Variants in UBR1 observed in about 807,000 individuals in gnomAD.
UBR1 encodes the protein E3 ubiquitin-protein ligase UBR1.
Under a neutral mutation model 242.1 loss-of-function variants are expected in UBR1, and 102 were observed. The ratio of observed to expected loss-of-function variants is 0.42; its 90% CI spans 0.36 to 0.50. UBR1 has a LOEUF of 0.50. Among genes scored for constraint, UBR1 ranks in the 20% least tolerant of loss-of-function variants. The pLI is 0.01. For synonymous variants in UBR1, 675 were observed against 684.8 expected (o/e 0.99, Z 0.22); for missense variants, 1,772 against 2,101.8 (o/e 0.84, Z 3.07).
chr15:43,047,376 A>G, intron 13 of UBR1, 87 bp from the exon 14 acceptor site: 3 of 1,588,588 alleles, frequency 1.9e-6, no homozygotes, highest in South Asian at 1.1e-5. Flanking sequence ...GTCAGGATTC[A>G]TAACATTTTA....
At chr15:43,061,425 C>T (rs116060102) in intron 6 of UBR1, among the ~76,000 whole-genome samples, 1,926 of 152,284 alleles carry the variant, frequency 0.013, 40 homozygotes, top group African/African-American at 0.042. Context: ...TACTTGCACA[C>T]GCATGTTTAT....
At chr15:43,075,411 C>T (rs1005158421) in intron 3 of UBR1, among the ~76,000 whole-genome samples, 4 of 151,784 alleles carry the variant, frequency 2.6e-5, no homozygotes, top group African/African-American at 7.3e-5. Context: ...GCAAAGTGTG[C>T]GAAAATAATC....
chr15:42,985,989 CAAAAAAAA>C (rs1230190123), intron 35 of UBR1, among the ~76,000 whole-genome samples: 1 of 47,068 alleles, frequency 2.1e-5, no homozygotes, highest in Non-Finnish European at 4.4e-5. Context: ...GACCCTGTCT[CAAAAAAAA>C]AAAAAAAAAA....
At chr15:43,004,578 G>C (rs972940008) in intron 30 of UBR1, among the ~76,000 whole-genome samples, 3 of 152,204 alleles carry the variant, frequency 2.0e-5, no homozygotes, top group African/African-American at 7.2e-5. Context: ...ACGGGGTTTC[G>C]CCCTGTTGGC....
intron 27 of UBR1, among the ~76,000 whole-genome samples, chr15:43,018,199 C>T (rs1040798002): frequency 6.6e-6 from 1 of 152,038 alleles, no homozygotes; most frequent in African/African-American, 2.4e-5. Context: ...GACGGGGTTT[C>T]ACCATGTTAG....
At chr15:42,957,294 C>T (rs2031937168) in intron 44 of UBR1, among the ~76,000 whole-genome samples, 1 of 152,112 alleles carries the variant, frequency 6.6e-6, no homozygotes, top group Non-Finnish European at 1.5e-5. Flanking sequence ...TGTATCATTC[C>T]TTTCATATAA....
In UBR1 at chr15:43,105,991, C is replaced by T. The variant is rs1204703176; in HGVS notation, c.32G>A (p.Arg11Lys). ...GGGTAACTCCGCGCTGATTTCCATCCTCTCAGTACCTCCAGCCTCCTCGTC... is the reference window on the plus strand; with the variant it reads ...GGGTAACTCCGCGCTGATTTCCATCTTCTCAGTACCTCCAGCCTCCTCGTC... Reference protein sequence around the residue: MADEEAGGTERMEISAELPQT... With the variant: MADEEAGGTEKMEISAELPQT... Residue 11 changes from arginine to lysine, a missense_variant, in exon 1 of 47, where the codon AGG (arginine) becomes AAG (lysine). Arg to Lys is a conservative substitution (Grantham distance 26, BLOSUM62 2). Transcript: ENST00000290650. 6.2e-7 allele frequency: 1 copy of T among 1,613,844 alleles called. No homozygotes were observed. Among genetic ancestry groups the T allele is most frequent in the Admixed American group, 1.7e-5 (1 of 59,978 alleles).
intron 12 of UBR1, among the ~76,000 whole-genome samples, chr15:43,051,157 G>C (rs995405996): frequency 6.6e-6 from 1 of 152,112 alleles, no homozygotes; most frequent in African/African-American, 2.4e-5. Flanking sequence ...CAATAGCAAA[G>C]GCATGGAATC....
At chr15:43,009,481 T>C (rs540363647) in intron 29 of UBR1, among the ~76,000 whole-genome samples, 3 of 152,316 alleles carry the variant, frequency 2.0e-5, no homozygotes, top group South Asian at 2.1e-4. Flanking sequence ...TCCAGGCTGG[T>C]AGTGTCAGTC....
At chr15:43,105,873 C>T in intron 1 of UBR1, 69 bp downstream of exon 1, 1 of 1,482,252 alleles carries the variant, frequency 6.7e-7, no homozygotes, top group Non-Finnish European at 9.4e-7. Context: ...GGTGAAGCCC[C>T]ACATCCTCCT....
rs949430261 is a variant in UBR1 at position 42,956,467 on chromosome 15, GCACCACCA to G, written c.4835+1538_4835+1545del. Among the ~76,000 whole-genome samples, 40 of 152,244 alleles carry G rather than the reference GCACCACCA, an allele frequency of 2.6e-4. 1 individual carries two copies. Among genetic ancestry groups the G allele is most frequent in the African/African-American group, 8.2e-4 (34 of 41,548 alleles). ...CCCAAGTAGCTGGGATTACAGGTGC[GCACCACCA>G]CACCTGGCTAATTTTTGTATTTTTA... On this transcript the variant is annotated intron_variant, in intron 44 of 46. Transcript: ENST00000290650.
chr15:42,945,940 CTGGT>C (rs1232187992), intron 46 of UBR1, among the ~76,000 whole-genome samples: 1 of 152,152 alleles, frequency 6.6e-6, no homozygotes, highest in Non-Finnish European at 1.5e-5. Context: ...AAAAAACTGG[CTGGT>C]TATTAGCAAA....
Position 42,966,280 on chromosome 15 carries a change from A to C in UBR1, c.4464T>G (p.Ile1488Met). 6.2e-7 allele frequency: 1 copy of C among 1,614,154 alleles called. No individual in the cohort carries two copies. Among genetic ancestry groups the C allele is most frequent in the African/African-American group, 1.3e-5 (1 of 75,052 alleles). ...AEISQYTSGS[I>M]GCDIPGWYLW... ...AATACCAGCCAGGAATATCACACCCAATGGAGCTAGGAGACAATAATTCCA... is the reference window on the plus strand; with the variant it reads ...AATACCAGCCAGGAATATCACACCCCATGGAGCTAGGAGACAATAATTCCA... Residue 1488 changes from isoleucine (I) to methionine (M), a missense_variant, in exon 41 of 47, where the codon ATT (isoleucine) becomes ATG (methionine). Ile to Met is a conservative substitution (Grantham distance 10, BLOSUM62 1). Around this residue, in one of 3 missense-constraint regions of UBR1, gnomAD observed 965 missense variants for 1,079.7 expected, o/e 0.89. Transcript: ENST00000290650.
At chr15:43,077,191 C>T (rs981841251) in intron 3 of UBR1, among the ~76,000 whole-genome samples, 2 of 96,758 alleles carry the variant, frequency 2.1e-5, no homozygotes, top group African/African-American at 8.1e-5. Flanking sequence ...ATGACAATGG[C>T]GGTTTTGTGG....
chr15:42,956,056 G>A (rs1200986783), intron 44 of UBR1, among the ~76,000 whole-genome samples: 5 of 152,164 alleles, frequency 3.3e-5, no homozygotes, highest in Non-Finnish European at 2.9e-5. Context: ...GCTTTAGAGT[G>A]GTTTGATTGA....
At chr15:43,076,889 CGGGA>C (rs1361600078) in intron 3 of UBR1, among the ~76,000 whole-genome samples, 1 of 84,658 alleles carries the variant, frequency 1.2e-5, no homozygotes, top group Non-Finnish European at 2.6e-5. Context: ...CCGCCCCGTC[CGGGA>C]GGGAGGTGGG....
At chr15:43,026,496 T>A in intron 23 of UBR1, 65 bp downstream of exon 23, 1 of 1,430,324 alleles carries the variant, frequency 7.0e-7, no homozygotes, top group Non-Finnish European at 9.8e-7. Flanking sequence ...AGCAGAAAAT[T>A]TTCTGTGGAG....
chr15:42,966,029 C>T (rs2032099881), intron 41 of UBR1, 124 bp downstream of exon 41: 2 of 1,399,928 alleles, frequency 1.4e-6, no homozygotes, highest in East Asian at 4.9e-5. Flanking sequence ...GAAGGGAACA[C>T]ACATGAAAGA....
Position 42,998,246 on chromosome 15 carries a change from C to CAAGAGG in UBR1, c.3678_3679insCCTCTT (p.Leu1226_Ala1227insProLeu). 1.9e-6 allele frequency: 3 copies of CAAGAGG among 1,613,906 alleles called. No individual in the cohort carries two copies. Among genetic ancestry groups the CAAGAGG allele is most frequent in the Non-Finnish European group, 2.5e-6 (3 of 1,179,912 alleles). ...CACCGTGCCAGGGTCAAAAGTTGAG[C>CAAGAGG]AAGAGCATCTGCATTCTCACTGAAA... On this transcript the variant is annotated inframe_insertion, in exon 33 of 47. Coordinates refer to ENST00000290650, the MANE Select transcript of UBR1 (RefSeq NM_174916.3).
Sources: allele counts gnomAD v4.1 joint callset (sites outside exome capture counted in the v4.1 genomes callset), GRCh38; gene constraint gnomAD v4.1.1; regional missense constraint gnomAD v4.1.1; transcripts MANE v1.5; gene names NCBI Gene and HGNC (gene_info 2026-07-23, HGNC 2026-07-21).